The following ZDHHC7 variants were observed in gnomAD, a reference collection of about 807,000 sequenced individuals.
The protein encoded by ZDHHC7 is palmitoyltransferase ZDHHC7.
Under a neutral mutation model 34.1 loss-of-function variants are expected in ZDHHC7, and 12 were observed. The observed-to-expected ratio is 0.35, with a 90% CI of 0.23 to 0.57. The LOEUF (loss-of-function observed/expected upper bound fraction) is 0.57. Ranked by LOEUF, ZDHHC7 falls within the 20% of genes least tolerant of loss-of-function variation. The pLI is 0.84. For synonymous variants in ZDHHC7, 185 were observed against 155.4 expected, an observed-to-expected ratio of 1.19 and a Z score of -1.42; for missense variants, 388 against 402.7, an observed-to-expected ratio of 0.96 and a Z score of 0.31.
At chr16:84,994,341 G>A (rs3848248) in intron 2 of ZDHHC7, among the ~76,000 whole-genome samples, 3 of 152,164 alleles carry the variant, frequency 2.0e-5, no homozygotes, top group African/African-American at 7.2e-5. Context: ...TGTGGGCCCA[G>A]GTACATCAAG....
At chr16:84,991,880 G>A (rs920229325) in intron 2 of ZDHHC7, among the ~76,000 whole-genome samples, 2 of 151,794 alleles carry the variant, frequency 1.3e-5, no homozygotes, top group South Asian at 4.2e-4. Context: ...TGATTTCTAA[G>A]AACATACAAG....
Position 84,990,390 on chromosome 16 carries a change from A to G in ZDHHC7, c.229T>C (p.Trp77Arg), listed in dbSNP as rs1249053592. ...FVMLLPSKDF[W>R]YSVVNGVIFN... The stretch of plus-strand genomic sequence containing the variant: ...ATGACCCCGTTGACCACAGAGTACC[A>G]GAAGTCTTTGGAAGGCAGCAGCATG... Residue 77 changes from tryptophan to arginine, a missense_variant, in exon 3 of 8, where the codon TGG (tryptophan) becomes CGG (arginine). Transcript: ENST00000313732. The G allele has an allele frequency of 3.1e-6, 5 of 1,614,040 alleles. No homozygotes were observed. In the African/African-American group the frequency reaches 4.0e-5, roughly 13 times the overall value.
chr16:85,002,002 C>T (rs1316899095), intron 1 of ZDHHC7, among the ~76,000 whole-genome samples: 1 of 152,058 alleles, frequency 6.6e-6, no homozygotes, highest in Non-Finnish European at 1.5e-5. Context: ...TACACACACA[C>T]AATCATGGGG....
chr16:85,027,522 C>T, the ZDHHC7 span, among the ~76,000 whole-genome samples: 4 of 152,212 alleles, frequency 2.6e-5, no homozygotes, highest in Non-Finnish European at 5.9e-5. Flanking sequence ...CCTGCCCCAC[C>T]CACTCCTCCC....
At chr16:84,981,322 G>A (rs995269847) in intron 4 of ZDHHC7, among the ~76,000 whole-genome samples, 2 of 152,150 alleles carry the variant, frequency 1.3e-5, no homozygotes, top group African/African-American at 2.4e-5. Flanking sequence ...GTGTTTGAGA[G>A]CACGCCCAAA....
intron 5 of ZDHHC7, 28 bp from the exon 6 acceptor site, chr16:84,978,033 A>G (rs896586294): frequency 1.3e-6 from 2 of 1,562,476 alleles, no homozygotes; most frequent in Non-Finnish European, 1.8e-6. Context: ...TTGGTTAGTC[A>G]CTTTTATTTT....
chr16:85,021,974 G>A, the ZDHHC7 span, among the ~76,000 whole-genome samples: 1 of 151,058 alleles, frequency 6.6e-6, no homozygotes, highest in Non-Finnish European at 1.5e-5. Context: ...GGCCAACACG[G>A]TGAAACCCTG....
chr16:85,024,825 T>C, the ZDHHC7 span, among the ~76,000 whole-genome samples: 4 of 152,216 alleles, frequency 2.6e-5, no homozygotes, highest in Admixed American at 6.5e-5. Flanking sequence ...GCCTCAGAGA[T>C]TGGTTCCAGG....
intron 5 of ZDHHC7, 61 bp from the exon 6 acceptor site, chr16:84,978,066 C>G: frequency 7.3e-7 from 1 of 1,361,984 alleles, no homozygotes; most frequent in Non-Finnish European, 1.0e-6. Flanking sequence ...GAAACAGAGT[C>G]TCCCTCTGTT....
At chr16:84,976,662 G>A (rs184597915) in intron 7 of ZDHHC7, 143 bp from the exon 8 acceptor site, 62 of 1,222,050 alleles carry the variant, frequency 5.1e-5, no homozygotes, top group Non-Finnish European at 6.0e-5. Context: ...GCTCTGCCCC[G>A]ATCCAGACCC....
rs2072292734 is a variant in ZDHHC7 at position 84,976,057 on chromosome 16, G to C, written c.*286C>G. 2.4e-6 allele frequency: 1 copy of C among 409,390 alleles called. No homozygotes were observed. The highest frequency in any genetic ancestry group is 5.6e-5 in the East Asian group (1 of 17,800). The allele number at this position is 409,390 out of a possible 1,614,324, so 25.4% of individuals were successfully genotyped here. A position where few individuals can be genotyped will look rare whatever the true frequency, so the allele number is the denominator to read the frequency against. On this transcript the variant is annotated 3_prime_UTR_variant, in exon 8 of 8. Coordinates refer to ENST00000313732, the MANE Select transcript of ZDHHC7 (RefSeq NM_017740.3). Reference sequence around the variant, plus strand: ...AGGACCCAGGATTTGAATAACCCATGTAATAACCCGAAGTATTCTCCACAG... The same window carrying C: ...AGGACCCAGGATTTGAATAACCCATCTAATAACCCGAAGTATTCTCCACAG...
chr16:85,010,204 A>G (rs1261328059), intron 1 of ZDHHC7, among the ~76,000 whole-genome samples: 1 of 151,158 alleles, frequency 6.6e-6, no homozygotes, highest in Non-Finnish European at 1.5e-5. Flanking sequence ...ATTTTTTTGT[A>G]GAGAAGGGGA....
At chr16:85,006,462 C>G (rs1427323059) in intron 1 of ZDHHC7, among the ~76,000 whole-genome samples, 1 of 151,894 alleles carries the variant, frequency 6.6e-6, no homozygotes, top group East Asian at 1.9e-4. Context: ...ACCTGTAATC[C>G]CGGCACTTTA....
upstream of ZDHHC7, among the ~76,000 whole-genome samples, chr16:85,013,094 CAG>C (rs1399548780): frequency 6.6e-6 from 1 of 152,062 alleles, no homozygotes; most frequent in African/African-American, 2.4e-5. Context: ...CTTCTTAGCC[CAG>C]AGAGGGCACC....
chr16:85,001,458 A>G (rs944603693), intron 1 of ZDHHC7, among the ~76,000 whole-genome samples: 4 of 132,364 alleles, frequency 3.0e-5, no homozygotes, highest in Non-Finnish European at 6.4e-5. Context: ...GCAAGAGAGC[A>G]AGACCCTGTC....
intron 4 of ZDHHC7, among the ~76,000 whole-genome samples, chr16:84,980,805 A>G (rs150619295): frequency 2.0e-5 from 3 of 152,266 alleles, no homozygotes; most frequent in Non-Finnish European, 2.9e-5. Flanking sequence ...CCAGAAAGAA[A>G]CCTCACCCCA....
At chr16:85,026,739 T>C in the ZDHHC7 span, among the ~76,000 whole-genome samples, 3 of 151,978 alleles carry the variant, frequency 2.0e-5, no homozygotes, top group African/African-American at 7.2e-5. Flanking sequence ...AAAATTGACA[T>C]TCAGCCCTAT....
At chr16:84,983,459 G>A (rs1304194793) in intron 3 of ZDHHC7, among the ~76,000 whole-genome samples, 1 of 152,108 alleles carries the variant, frequency 6.6e-6, no homozygotes, top group Non-Finnish European at 1.5e-5. Context: ...GCTGGATTCA[G>A]GGCTACCAAC....
the ZDHHC7 span, among the ~76,000 whole-genome samples, chr16:85,024,233 T>TG: frequency 6.8e-6 from 1 of 147,426 alleles, no homozygotes; most frequent in South Asian, 2.2e-4. Context: ...GTTTTTTGTT[T>TG]TTTTTTTTTT....
Sources: allele counts gnomAD v4.1 joint callset (sites outside exome capture counted in the v4.1 genomes callset), GRCh38; gene constraint gnomAD v4.1.1; transcripts MANE v1.5; gene names NCBI Gene and HGNC (gene_info 2026-07-23, HGNC 2026-07-21).